The following PIP5K1C variants were observed in gnomAD, a reference collection of about 807,000 sequenced individuals.
PIP5K1C encodes phosphatidylinositol 4-phosphate 5-kinase type-1 gamma.
A neutral mutation model predicts 80.1 loss-of-function variants in PIP5K1C; 45 were observed. The observed-to-expected ratio is 0.56, with a 90% CI of 0.44 to 0.72. The LOEUF (loss-of-function observed/expected upper bound fraction) is 0.72, where lower values mean the gene tolerates loss of function less well. Among genes scored for constraint, PIP5K1C ranks in the 30% least tolerant of loss-of-function variants. The pLI, the probability that PIP5K1C is intolerant of heterozygous loss-of-function variation, is 0.00. For synonymous variants in PIP5K1C, 498 were observed against 420.1 expected (o/e 1.19, Z -2.27); for missense variants, 753 against 954.6 (o/e 0.79, Z 2.78).
intron 3 of PIP5K1C, among the ~76,000 whole-genome samples, chr19:3,664,395 A>G (rs2034938171): frequency 6.6e-6 from 1 of 152,152 alleles, no homozygotes; most frequent in Admixed American, 6.5e-5. Context: ...ACTTTTGAAA[A>G]AACAGGCCCT....
At chr19:3,690,132 G>A (rs1371724041) in intron 1 of PIP5K1C, among the ~76,000 whole-genome samples, 2 of 151,180 alleles carry the variant, frequency 1.3e-5, no homozygotes. Context: ...CTGTGAACAT[G>A]TTATCATTTG....
rs779528081 is a variant in PIP5K1C, at chr19:3,630,705, TCAGAG to T, written c.*2457_*2461del. The T allele has an allele frequency of 1.3e-5, 2 of 152,404 alleles. No individual in the cohort carries two copies. The highest frequency in any genetic ancestry group is 6.5e-5 in the Admixed American group (1 of 15,274). The allele number at this position is 152,404 out of a possible 1,614,324, so 9.4% of individuals were successfully genotyped here. A position where few individuals can be genotyped will look rare whatever the true frequency, so the allele number is the denominator to read the frequency against. On this transcript the variant is annotated 3_prime_UTR_variant, in exon 18 of 18. Coordinates refer to ENST00000335312, the MANE Select transcript of PIP5K1C (RefSeq NM_012398.3). ...CATGGAAGTTTCCGCCTTGTCAGTC[TCAGAG>T]CAAACGCCTTTTAGTCTTTACAGTA...
In PIP5K1C at chr19:3,647,272, G is replaced by A. The variant is rs912668622; in HGVS notation, c.1260+66C>T. ...CACAGAGGGAGGAGGGATGGGAGGA[G>A]GGTGCAGGCACTCACAGGAGGAGGA... On this transcript the variant is annotated intron_variant, in intron 10 of 17. Transcript: ENST00000335312. 15 of 1,385,302 alleles carry A rather than the reference G, an allele frequency of 1.1e-5. No homozygotes were observed. The African/African-American group carries it at 1.9e-4, about 18-fold the overall frequency. The allele number at this position is 1,385,302 out of a possible 1,614,324, so 85.8% of individuals were successfully genotyped here.
intron 13 of PIP5K1C, 47 bp downstream of exon 13, chr19:3,643,196 C>CGCACAGCGGATGCCCCGCCCACAT (rs760802308): frequency 1.2e-6 from 2 of 1,608,660 alleles, no homozygotes. Flanking sequence ...CCCGCCCCCA[C>CGCACAGCGGATGCCCCGCCCACAT]GCACAGCGGA....
At chr19:3,654,874 G>C (rs918676810) in intron 6 of PIP5K1C, among the ~76,000 whole-genome samples, 1 of 151,384 alleles carries the variant, frequency 6.6e-6, no homozygotes, top group Non-Finnish European at 1.5e-5. Flanking sequence ...CTAGCACTTT[G>C]GGAGGCCAAG....
intron 10 of PIP5K1C, among the ~76,000 whole-genome samples, chr19:3,647,036 G>A (rs1263349741): frequency 2.2e-5 from 3 of 139,396 alleles, no homozygotes. Flanking sequence ...AGGGATGGGA[G>A]GAGGGGTGCA....
At chr19:3,669,271 C>G (rs550909321) in intron 1 of PIP5K1C, among the ~76,000 whole-genome samples, 1 of 152,266 alleles carries the variant, frequency 6.6e-6, no homozygotes, top group South Asian at 2.1e-4. Flanking sequence ...CCGTAGGGCT[C>G]GGCCCTCTGG....
At chr19:3,680,692 C>A (rs2035565147) in intron 1 of PIP5K1C, among the ~76,000 whole-genome samples, 1 of 152,190 alleles carries the variant, frequency 6.6e-6, no homozygotes, top group Non-Finnish European at 1.5e-5. Flanking sequence ...CTACATAGGT[C>A]AAAAAACATC....
rs769058359 is a variant in PIP5K1C at position 3,688,099 on chromosome 19, C to T, written c.94+12198G>A. Among the ~76,000 whole-genome samples, 44 of 152,244 alleles carry T rather than the reference C, an allele frequency of 2.9e-4. No individual in the cohort carries two copies. Among genetic ancestry groups the T allele is most frequent in the Non-Finnish European group, 5.9e-4 (40 of 67,996 alleles). ...GCCCCTGGGGGAAGCCCGGCCCGTG[C>T]GGGCTGCGGGAGATCCTGATGGGCC... is the stretch of plus-strand genomic sequence containing the variant. On this transcript the variant is annotated intron_variant, in intron 1 of 17. Transcript: ENST00000335312. The surrounding 1 kb of genome is among the most constrained non-coding windows in gnomAD (Gnocchi z 5.3).
Position 3,700,444 on chromosome 19 carries a change from C to G in PIP5K1C, c.-54G>C, listed in dbSNP as rs2036265442. 1 of 969,202 alleles carries G rather than the reference C, an allele frequency of 1.0e-6. No individual in the cohort carries two copies. The highest frequency in any genetic ancestry group is 5.8e-5 in the Admixed American group (1 of 17,296). The allele number at this position is 969,202 out of a possible 1,614,324, so 60.0% of individuals were successfully genotyped here. A position where few individuals can be genotyped will look rare whatever the true frequency, so the allele number is the denominator to read the frequency against. Reference sequence around the variant, plus strand: ...CCGAGGGGGACCCGAGCTGCGACCGCCGCCGCCGAACAACAAGCGCCGCCG... The same window carrying G: ...CCGAGGGGGACCCGAGCTGCGACCGGCGCCGCCGAACAACAAGCGCCGCCG... On this transcript the variant is annotated 5_prime_UTR_variant, in exon 1 of 18. Transcript: ENST00000335312.
chr19:3,674,585 C>A (rs2035303761), intron 1 of PIP5K1C, among the ~76,000 whole-genome samples: 1 of 152,226 alleles, frequency 6.6e-6, no homozygotes, highest in South Asian at 2.1e-4. Context: ...TCACTACAGC[C>A]TCCGCCTCCC....
chr19:3,634,311 CT>C (rs750387209), intron 16 of PIP5K1C, among the ~76,000 whole-genome samples: 6 of 152,052 alleles, frequency 3.9e-5, no homozygotes, highest in Non-Finnish European at 8.8e-5. Context: ...CAAGCTCCCC[CT>C]GCTTCTCCTG....
rs946741403 is a variant in PIP5K1C at position 3,637,882 on chromosome 19, C to T, written c.1920+1002G>A. 1.3e-6 allele frequency: 2 copies of T among 1,535,278 alleles called. No homozygotes were observed. The highest frequency in any genetic ancestry group is 1.7e-6 in the Non-Finnish European group (2 of 1,146,710). ...CAGGCCCCCCGTACCATCCGGAGAC[C>T]AGGACGCGCACAAACCAGTCCCAGG... On this transcript the variant is annotated intron_variant, in intron 16 of 17. Transcript: ENST00000335312. The surrounding 1 kb of genome is among the most constrained non-coding windows in gnomAD (Gnocchi z 7.0).
rs114592940 is a variant in PIP5K1C at position 3,645,965 on chromosome 19, G to A, written c.1345+9C>T. The A allele has an allele frequency of 1.0e-3, 1,668 of 1,610,978 alleles. 10 individuals are homozygous for A. The African/African-American group carries it at 0.021, about 20-fold the overall frequency. On this transcript the variant is annotated intron_variant, in intron 11 of 17. Transcript: ENST00000335312. Reference sequence around the variant, plus strand: ...GTCCCTCCCGCCTTGCGGGGCTCAGGTGGCTTACAGGAGTTCTTCCGAAAG... The same window carrying A: ...GTCCCTCCCGCCTTGCGGGGCTCAGATGGCTTACAGGAGTTCTTCCGAAAG...
At chr19:3,675,946 T>A (rs2035343656) in intron 1 of PIP5K1C, among the ~76,000 whole-genome samples, 1 of 152,138 alleles carries the variant, frequency 6.6e-6, no homozygotes, top group South Asian at 2.1e-4. Context: ...GCCCCTGAGG[T>A]TAAACCCTTG....
intron 1 of PIP5K1C, among the ~76,000 whole-genome samples, chr19:3,690,069 G>A (rs943768869): frequency 1.3e-5 from 2 of 151,850 alleles, no homozygotes; most frequent in Admixed American, 6.6e-5. Flanking sequence ...GAGAGGGTGA[G>A]GTGGGACTCA....
chr19:3,700,186 G>C, intron 1 of PIP5K1C, 111 bp downstream of exon 1: 3 of 533,084 alleles, frequency 5.6e-6, no homozygotes, highest in Non-Finnish European at 5.0e-6. Context: ...TCCTGGAACC[G>C]GCGGCGCCCC....
In PIP5K1C at chr19:3,696,726, GAGTGCGGAGGGGAGGGCA is replaced by G; in HGVS notation, c.94+3553_94+3570del. Among the ~76,000 whole-genome samples the G allele has an allele frequency of 1.0e-5, 1 of 97,698 alleles. No individual in the cohort carries two copies. The highest frequency in any genetic ancestry group is 4.6e-5 in the African/African-American group (1 of 21,640). The allele number at this position is 97,698 out of a possible 152,430, so 64.1% of individuals were successfully genotyped here. On this transcript the variant is annotated intron_variant, in intron 1 of 17. Coordinates refer to ENST00000335312, the MANE Select transcript of PIP5K1C (RefSeq NM_012398.3). The surrounding 1 kb of genome is among the most constrained non-coding windows in gnomAD (Gnocchi z 4.1). ...TGCAGACGGGAGGGCAGGGAGGGCA[GAGTGCGGAGGGGAGGGCA>G]GGGAGGGCAGGGAGGGCCCGGGGCA... is the stretch of plus-strand genomic sequence containing the variant.
At position 3,648,881 on chromosome 19, in the gene PIP5K1C, C is replaced by A. The variant is rs940263545; in HGVS notation, c.1128-173G>T. The stretch of plus-strand genomic sequence containing the variant: ...AACCTCTGTCCTGACATCCCTCCAT[C>A]ACCCCCAGCCTCAAACCCAGGCCCA... On this transcript the variant is annotated intron_variant, in intron 8 of 17. Coordinates refer to ENST00000335312, the MANE Select transcript of PIP5K1C (RefSeq NM_012398.3). The surrounding 1 kb of genome is among the most constrained non-coding windows in gnomAD (Gnocchi z 4.3). Among the ~76,000 whole-genome samples the A allele has an allele frequency of 3.3e-5, 5 of 152,106 alleles. No homozygotes were observed. Among genetic ancestry groups the A allele is most frequent in the African/African-American group, 1.2e-4 (5 of 41,404 alleles).
Sources: allele counts gnomAD v4.1 joint callset (sites outside exome capture counted in the v4.1 genomes callset), GRCh38; gene constraint gnomAD v4.1.1; non-coding constraint Gnocchi (gnomAD v3.1); transcripts MANE v1.5; gene names NCBI Gene and HGNC (gene_info 2026-07-23, HGNC 2026-07-21).